Variants in ARHGAP15 observed in about 807,000 individuals in gnomAD.
The protein encoded by ARHGAP15 is Rho GTPase activating protein 15.
Under a neutral mutation model 63.7 loss-of-function variants are expected in ARHGAP15, and 51 were observed. That is an observed-to-expected ratio of 0.80 (90% CI 0.64 to 1.01). The LOEUF (loss-of-function observed/expected upper bound fraction) is 1.01, where lower values mean the gene tolerates loss of function less well. Ranked by LOEUF, ARHGAP15 falls within the 50% of genes least tolerant of loss-of-function variation. The pLI, the probability that ARHGAP15 is intolerant of heterozygous loss-of-function variation, is 0.00. For missense variants in ARHGAP15, 560 were observed against 564.6 expected, an observed-to-expected ratio of 0.99 and a Z score of 0.08; for synonymous variants, 191 against 193.8, an observed-to-expected ratio of 0.99 and a Z score of 0.12.
At chr2:143,217,850 A>C (rs988730288) in intron 4 of ARHGAP15, among the ~76,000 whole-genome samples, 1 of 152,188 alleles carries the variant, frequency 6.6e-6, no homozygotes, top group Non-Finnish European at 1.5e-5. Context: ...ACTAGAGCTG[A>C]GTAGGAGAAT....
At chr2:143,675,591 A>G (rs1682785445) in intron 12 of ARHGAP15, among the ~76,000 whole-genome samples, 1 of 152,214 alleles carries the variant, frequency 6.6e-6, no homozygotes, top group Non-Finnish European at 1.5e-5. Context: ...TGAAAGCAAC[A>G]TTGGTCTCCT....
intron 8 of ARHGAP15, among the ~76,000 whole-genome samples, chr2:143,447,850 T>A (rs180880566): frequency 1.3e-5 from 2 of 152,246 alleles, no homozygotes; most frequent in Admixed American, 6.5e-5. Flanking sequence ...GCATGAGGAA[T>A]GAAGGGAAAG....
intron 6 of ARHGAP15, among the ~76,000 whole-genome samples, chr2:143,323,786 G>A (rs954728376): frequency 1.3e-5 from 2 of 151,124 alleles, no homozygotes; most frequent in Non-Finnish European, 3.0e-5. Context: ...ACTCCTACTC[G>A]GGAGGCTGAG....
chr2:143,154,180 G>T (rs998909709), intron 1 of ARHGAP15, among the ~76,000 whole-genome samples: 3 of 151,446 alleles, frequency 2.0e-5, no homozygotes, highest in Non-Finnish European at 4.4e-5. Flanking sequence ...TGGGTTTAAT[G>T]GCTATTTTAT....
intron 8 of ARHGAP15, among the ~76,000 whole-genome samples, chr2:143,465,852 C>T (rs1201134120): frequency 1.3e-5 from 2 of 151,954 alleles, no homozygotes; most frequent in Non-Finnish European, 2.9e-5. Flanking sequence ...ACACTTTTTG[C>T]AATTCCAAAT....
At chr2:143,167,775 T>TG (rs1405236264) in intron 2 of ARHGAP15, among the ~76,000 whole-genome samples, 1 of 152,102 alleles carries the variant, frequency 6.6e-6, no homozygotes, top group African/African-American at 2.4e-5. Context: ...TACCATCAAG[T>TG]GGTGGCTCCA....
intron 12 of ARHGAP15, among the ~76,000 whole-genome samples, chr2:143,641,763 G>A (rs538136533): frequency 1.4e-4 from 22 of 152,106 alleles, no homozygotes; most frequent in African/African-American, 4.8e-4. Flanking sequence ...CTTTGAATCA[G>A]AACTCTTAGA....
intron 11 of ARHGAP15, among the ~76,000 whole-genome samples, chr2:143,561,750 A>T (rs1696038296): frequency 6.6e-6 from 1 of 152,120 alleles, no homozygotes; most frequent in South Asian, 2.1e-4. Context: ...TGATCTGCCC[A>T]CTTCGGCCTT....
At chr2:143,502,476 C>G (rs887008869) in intron 9 of ARHGAP15, among the ~76,000 whole-genome samples, 1 of 152,078 alleles carries the variant, frequency 6.6e-6, no homozygotes, top group Non-Finnish European at 1.5e-5. Flanking sequence ...AAAGCACTTC[C>G]CTGTGATAAG....
chr2:143,615,746 C>T lies in ARHGAP15; in HGVS notation c.1004-8387C>T, dbSNP rs147011870. Among the ~76,000 whole-genome samples the T allele has an allele frequency of 4.6e-5, 7 of 152,250 alleles. No individual in the cohort carries two copies. The East Asian group carries it at 1.2e-3, about 25-fold the overall frequency. On this transcript the variant is annotated intron_variant, in intron 11 of 13. Transcript: ENST00000295095. ...ATAGCAATGGTGTTGAAATTTAAAG[C>T]CACTATGAAGCAAGCTTTCAAAAAT...
At chr2:143,274,807 C>T (rs1191038522) in intron 6 of ARHGAP15, among the ~76,000 whole-genome samples, 5 of 152,082 alleles carry the variant, frequency 3.3e-5, no homozygotes, top group Admixed American at 6.6e-5. Flanking sequence ...GAGAACCTAA[C>T]AATGTATAAC....
chr2:143,339,836 T>C (rs1684975126), intron 6 of ARHGAP15, among the ~76,000 whole-genome samples: 1 of 152,218 alleles, frequency 6.6e-6, no homozygotes, highest in South Asian at 2.1e-4. Context: ...GTAATTTGTA[T>C]TTATAGTATT....
intron 6 of ARHGAP15, among the ~76,000 whole-genome samples, chr2:143,366,184 G>T (rs2105346775): frequency 6.6e-6 from 1 of 152,118 alleles, no homozygotes; most frequent in East Asian, 1.9e-4. Context: ...TTTTAATTTT[G>T]TATCCTCACA....
intron 6 of ARHGAP15, among the ~76,000 whole-genome samples, chr2:143,407,707 T>C (rs867675613): frequency 5.3e-5 from 8 of 151,712 alleles, no homozygotes; most frequent in Non-Finnish European, 1.0e-4. Flanking sequence ...TTTGTGTATT[T>C]TACCCTACCT....
At chr2:143,427,035 G>A (rs1558964000) in intron 6 of ARHGAP15, among the ~76,000 whole-genome samples, 1 of 149,636 alleles carries the variant, frequency 6.7e-6, no homozygotes, top group Non-Finnish European at 1.5e-5. Flanking sequence ...CAAAAAGTGA[G>A]GTAAAGTATG....
rs1385157107 is a variant in ARHGAP15, at chr2:143,453,929, G to A, written c.703+16887G>A. Among the ~76,000 whole-genome samples the A allele has an allele frequency of 2.6e-5, 4 of 151,944 alleles. No individual in the cohort carries two copies. In the East Asian group the frequency reaches 7.7e-4, roughly 29 times the overall value. ...AAACTCAGCTAACTGGTATAATTAT[G>A]TAACTCAAATGGTCATATTGAGAGG... On this transcript the variant is annotated intron_variant, in intron 8 of 13. Coordinates refer to ENST00000295095, the MANE Select transcript of ARHGAP15 (RefSeq NM_018460.4).
At chr2:143,676,882 C>T (rs1682851887) in intron 12 of ARHGAP15, among the ~76,000 whole-genome samples, 1 of 143,950 alleles carries the variant, frequency 6.9e-6, no homozygotes, top group South Asian at 2.1e-4. Flanking sequence ...ATTTGAAAAA[C>T]AAACAAACAA....
chr2:143,767,376 T>TAA (rs2072955327), intron 13 of ARHGAP15, among the ~76,000 whole-genome samples: 1 of 152,202 alleles, frequency 6.6e-6, no homozygotes, highest in African/African-American at 2.4e-5. Flanking sequence ...TGGGGCTCTT[T>TAA]TCCTGTGCAA....
At chr2:143,766,632 T>A (rs1241163633) in intron 13 of ARHGAP15, 2 of 152,168 alleles carry the variant, frequency 1.3e-5, no homozygotes, top group African/African-American at 4.8e-5. Flanking sequence ...AATTGTCAAG[T>A]AGGAAAAATA....
Sources: allele counts gnomAD v4.1 joint callset (sites outside exome capture counted in the v4.1 genomes callset), GRCh38; gene constraint gnomAD v4.1.1; transcripts MANE v1.5; gene names NCBI Gene and HGNC (gene_info 2026-07-23, HGNC 2026-07-21).